PIK3CB: variants seen among roughly 807,000 people sequenced by gnomAD.
PIK3CB encodes phosphatidylinositol 4,5-bisphosphate 3-kinase catalytic subunit beta isoform.
Under a neutral mutation model 136.8 loss-of-function variants are expected in PIK3CB, and 39 were observed. The observed-to-expected ratio is 0.29, with a 90% CI of 0.22 to 0.37. The LOEUF (loss-of-function observed/expected upper bound fraction) is 0.37. Ranked by LOEUF, PIK3CB falls within the 10% of genes least tolerant of loss-of-function variation. The pLI is 1.00. For synonymous variants in PIK3CB, 428 were observed against 436.6 expected, an observed-to-expected ratio of 0.98 and a Z score of 0.25; for missense variants, 868 against 1,275.4, an observed-to-expected ratio of 0.68 and a Z score of 4.87.
At chr3:138,795,118 G>A (rs985194586) in intron 2 of PIK3CB, among the ~76,000 whole-genome samples, 8 of 152,032 alleles carry the variant, frequency 5.3e-5, no homozygotes, top group South Asian at 2.1e-4. Context: ...TCAGGAGTTC[G>A]AGACTAGCCT....
intron 8 of PIK3CB, among the ~76,000 whole-genome samples, chr3:138,730,872 C>T (rs1046287671): frequency 2.8e-4 from 43 of 152,238 alleles, no homozygotes; most frequent in African/African-American, 9.4e-4. Context: ...TTCAAGGTTA[C>T]AGTGAGCTAT....
chr3:138,759,464 A>G, intron 2 of PIK3CB, 105 bp from the exon 3 acceptor site: 1 of 674,502 alleles, frequency 1.5e-6, no homozygotes, highest in Non-Finnish European at 2.4e-6. Context: ...ATTTCAATAT[A>G]GCCAATAATG....
At chr3:138,748,553 G>C (rs1207905897) in intron 4 of PIK3CB, among the ~76,000 whole-genome samples, 1 of 151,952 alleles carries the variant, frequency 6.6e-6, no homozygotes, top group Non-Finnish European at 1.5e-5. Context: ...CTGCAGTTTT[G>C]TGTATAATAA....
intron 2 of PIK3CB, chr3:138,777,815 CCT>C (rs1229932824): frequency 5.0e-6 from 1 of 198,420 alleles, no homozygotes; most frequent in African/African-American, 2.3e-5. Context: ...CCATCACATC[CCT>C]GAGACATCAC....
chr3:138,737,918 G>C, intron 5 of PIK3CB, 32 bp from the exon 6 acceptor site: 1 of 1,379,086 alleles, frequency 7.3e-7, no homozygotes, highest in South Asian at 1.3e-5. Flanking sequence ...GAAAAAAGCA[G>C]TAAATGTTAT....
intron 1 of PIK3CB, among the ~76,000 whole-genome samples, chr3:138,800,559 C>T (rs924013826): frequency 4.6e-5 from 6 of 130,810 alleles, no homozygotes; most frequent in Admixed American, 2.2e-4. Context: ...TCAAGCAATC[C>T]TCCCACCTCA....
At chr3:138,658,503 T>C (rs1015172763) in intron 21 of PIK3CB, among the ~76,000 whole-genome samples, 3 of 152,168 alleles carry the variant, frequency 2.0e-5, no homozygotes, top group Non-Finnish European at 4.4e-5. Context: ...GCTCCCCACA[T>C]TGAGTGCTAC....
intron 13 of PIK3CB, among the ~76,000 whole-genome samples, chr3:138,696,928 T>C (rs764818980): frequency 6.6e-6 from 1 of 152,132 alleles, no homozygotes; most frequent in Non-Finnish European, 1.5e-5. Context: ...AAAGGAGAGA[T>C]AAGATTATGT....
chr3:138,729,563 T>C (rs1331071500), intron 8 of PIK3CB, among the ~76,000 whole-genome samples: 1 of 152,162 alleles, frequency 6.6e-6, no homozygotes, highest in African/African-American at 2.4e-5. Context: ...TTCTTCCTGC[T>C]TGACTGCCTT....
chr3:138,683,331 G>A (rs2108484643), intron 18 of PIK3CB, among the ~76,000 whole-genome samples: 1 of 149,346 alleles, frequency 6.7e-6, no homozygotes, highest in African/African-American at 2.5e-5. Flanking sequence ...TCCAGGCTGG[G>A]TGACAGTGAG....
intron 1 of PIK3CB, among the ~76,000 whole-genome samples, chr3:138,815,368 A>AAAAAAC (rs1553743731): frequency 9.4e-6 from 1 of 105,910 alleles, no homozygotes; most frequent in Non-Finnish European, 1.9e-5. Flanking sequence ...AAAAAAAAAA[A>AAAAAAC]AAAAAAACTA....
chr3:138,653,157 T>C lies in PIK3CB; in HGVS notation c.*2232A>G, dbSNP rs1276910048. On this transcript the variant is annotated 3_prime_UTR_variant, in exon 24 of 24. Transcript: ENST00000674063. ...AAACTCAATATTCTGGAGATGTCAATTTGTCTCAACCTTGTCTATAGCTTA... is the reference window on the plus strand; with the variant it reads ...AAACTCAATATTCTGGAGATGTCAACTTGTCTCAACCTTGTCTATAGCTTA... 1 of 181,890 alleles carries C rather than the reference T, an allele frequency of 5.5e-6. No homozygotes were observed. Among genetic ancestry groups the C allele is most frequent in the East Asian group, 9.2e-5 (1 of 10,902 alleles). 11.3% of individuals were successfully genotyped at this position (181,890 alleles called of 1,614,324 possible).
At chr3:138,681,791 C>G (rs1464270203) in intron 19 of PIK3CB, among the ~76,000 whole-genome samples, 176 bp downstream of exon 19, 1 of 152,036 alleles carries the variant, frequency 6.6e-6, no homozygotes, top group African/African-American at 2.4e-5. Flanking sequence ...TAGTTTTAAA[C>G]TGAAAAAGTT....
In PIK3CB at chr3:138,740,274, C is replaced by T. The variant is rs1255227369; in HGVS notation, c.621+2284G>A. 2.6e-5 allele frequency among the ~76,000 whole-genome samples: 4 copies of T among 152,220 alleles called. No individual in the cohort carries two copies. The East Asian group carries it at 7.7e-4, about 29-fold the overall frequency. On this transcript the variant is annotated intron_variant, in intron 5 of 23. Transcript: ENST00000674063. Reference sequence around the variant, plus strand: ...CTCAGGAAGCTGAGTCAGGGAATCCCTTGAACCTGAAACGGGGCAGTTGCA... The same window carrying T: ...CTCAGGAAGCTGAGTCAGGGAATCCTTTGAACCTGAAACGGGGCAGTTGCA...
intron 1 of PIK3CB, among the ~76,000 whole-genome samples, chr3:138,830,666 G>C (rs531298307): frequency 6.7e-6 from 1 of 149,946 alleles, no homozygotes; most frequent in South Asian, 2.1e-4. Flanking sequence ...TTGGGAGGCC[G>C]AGATGGGCGG....
chr3:138,832,671 A>AG (rs1163461047), intron 1 of PIK3CB, among the ~76,000 whole-genome samples: 1 of 152,020 alleles, frequency 6.6e-6, no homozygotes, highest in Non-Finnish European at 1.5e-5. Flanking sequence ...TACCAAAAAA[A>AG]GTACAAAATT....
intron 2 of PIK3CB, among the ~76,000 whole-genome samples, chr3:138,768,655 C>G (rs181531341): frequency 6.6e-6 from 1 of 152,188 alleles, no homozygotes; most frequent in East Asian, 1.9e-4. Flanking sequence ...CTGTAGGTAC[C>G]GCCTACAGGT....
intron 1 of PIK3CB, chr3:138,825,301 G>A: frequency 2.1e-6 from 1 of 485,790 alleles, no homozygotes; most frequent in Middle Eastern, 3.2e-4. Flanking sequence ...GTTGCTGCTG[G>A]TGTCGGAGAA....
chr3:138,698,979 T>C lies in PIK3CB; in HGVS notation c.1698A>G (p.Arg566=), dbSNP rs1342195212. 3 of 1,606,478 alleles carry C rather than the reference T, an allele frequency of 1.9e-6. No individual in the cohort carries two copies. The highest frequency in any genetic ancestry group is 2.6e-6 in the Non-Finnish European group (3 of 1,174,866). ...TTGGCAGTGATTGTGGGAAAATCTC[T>C]CGGCAGTCTTGTCGCAAAGTCCAAA... ...DLIWTLRQDC[R]EIFPQSLPKL... Residue 566 remains arginine, a synonymous_variant, in exon 13 of 24, where the codon CGA becomes CGG. Coordinates refer to ENST00000674063, the MANE Select transcript of PIK3CB (RefSeq NM_006219.3).
Sources: gnomAD v4.1 joint callset for allele counts (sites outside exome capture counted in the v4.1 genomes callset) on GRCh38, gnomAD v4.1.1 for gene constraint, MANE v1.5 for transcripts, NCBI Gene and HGNC (gene_info 2026-07-23, HGNC 2026-07-21) for gene names.